The following SAMD3 variants were observed in gnomAD, a reference collection of about 807,000 sequenced individuals.
The protein encoded by SAMD3 is sterile alpha motif domain containing 3.
Under a neutral mutation model 58.5 loss-of-function variants are expected in SAMD3, and 63 were observed. The ratio of observed to expected loss-of-function variants is 1.08; its 90% CI spans 0.88 to 1.33. SAMD3 has a LOEUF of 1.33. Ranked by LOEUF, SAMD3 falls within the 40% of genes most tolerant of loss-of-function variation. The pLI, the probability that SAMD3 is intolerant of heterozygous loss-of-function variation, is 0.00. For missense variants in SAMD3, 604 were observed against 608.4 expected, an observed-to-expected ratio of 0.99 and a Z score of 0.08; for synonymous variants, 220 against 210.3, an observed-to-expected ratio of 1.05 and a Z score of -0.40.
chr6:130,246,521 T>C (rs980475460), intron 2 of SAMD3, among the ~76,000 whole-genome samples: 3 of 152,208 alleles, frequency 2.0e-5, no homozygotes, highest in Non-Finnish European at 4.4e-5. Flanking sequence ...TTTTTTTTTT[T>C]TTGAGAATGT....
chr6:130,312,664 AT>A (rs1776217027), intron 2 of SAMD3, among the ~76,000 whole-genome samples: 4 of 152,112 alleles, frequency 2.6e-5, no homozygotes, highest in Admixed American at 2.6e-4. Flanking sequence ...TCTTTTAATG[AT>A]AATTTTTGCT....
In SAMD3 at chr6:130,315,428, T is replaced by G. The variant is rs753996857; in HGVS notation, c.-303-2335A>C. Reference sequence around the variant, plus strand: ...TTGAGTTATGTGACCTTACATAAAGTCATTTGGCCTGTCTGATTTTTAAAT... The same window carrying G: ...TTGAGTTATGTGACCTTACATAAAGGCATTTGGCCTGTCTGATTTTTAAAT... On this transcript the variant is annotated intron_variant, in intron 1 of 13. Transcript: ENST00000368134. Among the ~76,000 whole-genome samples the G allele has an allele frequency of 8.2e-4, 125 of 152,162 alleles. 1 individual carries two copies. Among genetic ancestry groups the G allele is most frequent in the Non-Finnish European group, 2.1e-4 (14 of 68,014 alleles).
intron 2 of SAMD3, among the ~76,000 whole-genome samples, chr6:130,249,215 T>C (rs1349839441): frequency 6.6e-6 from 1 of 152,230 alleles, no homozygotes; most frequent in Admixed American, 6.5e-5. Flanking sequence ...AATGTCCTGA[T>C]TTTAGCTCCT....
In SAMD3 at chr6:130,146,046, T is replaced by C. The variant is rs557211247; in HGVS notation, c.1159A>G (p.Lys387Glu). ...DNPINIVLQE[K>E]MKHYTDEDML... ...TCTTCATCTGTGTAATGTTTCATTTTTTCTTGCAATACAATATTGATTGGA... is the reference window on the plus strand; with the variant it reads ...TCTTCATCTGTGTAATGTTTCATTTCTTCTTGCAATACAATATTGATTGGA... The change falls in exon 10 of 12, where the codon AAA becomes GAA. Residue 387 changes from lysine (K) to glutamate (E), a missense_variant. By Grantham distance (56) the Lys-to-Glu change is moderately conservative (BLOSUM62 1). Coordinates refer to ENST00000439090, the MANE Select transcript of SAMD3 (RefSeq NM_001017373.4). 201 of 1,574,304 alleles carry C rather than the reference T, an allele frequency of 1.3e-4. 5 individuals carry two copies. In the South Asian group the frequency reaches 2.3e-3, roughly 18 times the overall value.
chr6:130,223,049 C>G (rs1476361407), upstream of SAMD3: 5 of 152,172 alleles, frequency 3.3e-5, no homozygotes, highest in Admixed American at 6.5e-5. Context: ...AAGATTCTGA[C>G]AAGTGTGACA....
chr6:130,183,833 AAGAG>A (rs1237719308), intron 7 of SAMD3, among the ~76,000 whole-genome samples: 1 of 150,974 alleles, frequency 6.6e-6, no homozygotes, highest in Non-Finnish European at 1.5e-5. Flanking sequence ...CAGAGAGAGA[AAGAG>A]AGAGAGCCAG....
At chr6:130,303,080 C>T (rs1022851703) in intron 2 of SAMD3, among the ~76,000 whole-genome samples, 3 of 152,110 alleles carry the variant, frequency 2.0e-5, no homozygotes, top group Non-Finnish European at 4.4e-5. Flanking sequence ...ATACTCAGTA[C>T]CACATATTAC....
intron 9 of SAMD3, among the ~76,000 whole-genome samples, chr6:130,148,403 A>T (rs748223613): frequency 6.6e-6 from 1 of 152,194 alleles, no homozygotes; most frequent in Admixed American, 6.5e-5. Context: ...CCCTCTTGGC[A>T]TGTCCTTATT....
intron 1 of SAMD3, among the ~76,000 whole-genome samples, chr6:130,355,399 A>C (rs986771810): frequency 6.6e-6 from 1 of 152,124 alleles, no homozygotes; most frequent in Non-Finnish European, 1.5e-5. Flanking sequence ...ACTCCAGCCT[A>C]GGTGACAGAG....
chr6:130,248,615 C>T (rs1014245253), intron 2 of SAMD3, among the ~76,000 whole-genome samples: 5 of 152,136 alleles, frequency 3.3e-5, no homozygotes, highest in Admixed American at 2.6e-4. Context: ...TCCCCTAGGT[C>T]CTTGCAAGGC....
chr6:130,172,798 G>T (rs559463637), intron 8 of SAMD3, among the ~76,000 whole-genome samples: 1 of 152,294 alleles, frequency 6.6e-6, no homozygotes, highest in East Asian at 1.9e-4. Context: ...CCAGAAGTGT[G>T]TTTTCCAACT....
intron 1 of SAMD3, among the ~76,000 whole-genome samples, chr6:130,358,896 C>A (rs1777909623): frequency 6.6e-6 from 1 of 152,104 alleles, no homozygotes; most frequent in South Asian, 2.1e-4. Flanking sequence ...ATTGTATGAA[C>A]ATGTTGTAAT....
In SAMD3 at chr6:130,308,669, T is replaced by C. The variant is rs535111452; in HGVS notation, c.-188+4309A>G. 5.8e-4 allele frequency among the ~76,000 whole-genome samples: 88 copies of C among 151,808 alleles called. 2 individuals are homozygous for C. In the South Asian group the frequency reaches 0.018, roughly 31 times the overall value. ...AGTCTGCCTCAAATCAAGGGGAAAA[T>C]TTTTTCAGTGAGAAATGAATTGACC... On this transcript the variant is annotated intron_variant, in intron 2 of 13. Coordinates refer to the SAMD3 transcript ENST00000368134.
At chr6:130,168,777 A>G (rs1296696746) in intron 8 of SAMD3, among the ~76,000 whole-genome samples, 1 of 152,298 alleles carries the variant, frequency 6.6e-6, no homozygotes, top group East Asian at 1.9e-4. Context: ...TGTGTCTTAA[A>G]CATTTTTAAT....
At chr6:130,257,127 C>T (rs915229341) in intron 2 of SAMD3, among the ~76,000 whole-genome samples, 1 of 151,948 alleles carries the variant, frequency 6.6e-6, no homozygotes, top group Non-Finnish European at 1.5e-5. Flanking sequence ...AAGACTGTTG[C>T]CTTATAATAA....
At chr6:130,365,264 T>A (rs3813364) in exon 1 of SAMD3, 143,994 of 985,176 alleles carry the variant, frequency 0.15, 11,152 homozygotes, top group East Asian at 0.35. Flanking sequence ...CTTTGATGTT[T>A]GGAGTCGAAC....
At chr6:130,358,726 TACACACAC>T (rs3029958) in intron 1 of SAMD3, among the ~76,000 whole-genome samples, 1,806 of 144,686 alleles carry the variant, frequency 0.012, 33 homozygotes, top group African/African-American at 0.039. Flanking sequence ...CACTATGTCT[TACACACAC>T]ACACACACAC....
At chr6:130,177,801 C>T (rs78295636) in intron 7 of SAMD3, among the ~76,000 whole-genome samples, 7 of 152,054 alleles carry the variant, frequency 4.6e-5, no homozygotes, top group African/African-American at 1.5e-4. Context: ...CCTGCTTTGC[C>T]CACCAAGCCC....
intron 5 of SAMD3, among the ~76,000 whole-genome samples, chr6:130,206,703 T>C (rs188025268): frequency 6.6e-6 from 1 of 152,324 alleles, no homozygotes; most frequent in East Asian, 1.9e-4. Context: ...AGAGACTTTA[T>C]GACCAGAGAT....
Sources: gnomAD v4.1 joint callset for allele counts (sites outside exome capture counted in the v4.1 genomes callset) on GRCh38, gnomAD v4.1.1 for gene constraint, MANE v1.5 for transcripts, NCBI Gene and HGNC (gene_info 2026-07-23, HGNC 2026-07-21) for gene names.